Variants in ZFHX3 observed in about 807,000 individuals in gnomAD.
The protein encoded by ZFHX3 is zinc finger homeobox protein 3.
In ZFHX3, 42 loss-of-function variants were observed where a neutral mutation model predicts 279.1. That is an observed-to-expected ratio of 0.15 (90% CI 0.12 to 0.19). The LOEUF (loss-of-function observed/expected upper bound fraction) is 0.19, where lower values mean the gene tolerates loss of function less well. ZFHX3 is among the 10% of genes least tolerant of loss of function. The probability of loss-of-function intolerance (pLI) is 1.00; values close to 1 mark genes in which losing one functional copy is unlikely to be tolerated. For missense variants in ZFHX3, 4,981 were observed against 4,754.0 expected (o/e 1.05, Z -1.40); for synonymous variants, 2,293 against 1,957.8 (o/e 1.17, Z -4.52).
rs2035323387 is a variant in ZFHX3 at position 72,785,439 on chromosome 16, G to T, written c.*1725C>A. On this transcript the variant is annotated 3_prime_UTR_variant, in exon 10 of 10. Coordinates refer to ENST00000268489, the MANE Select transcript of ZFHX3 (RefSeq NM_006885.4). ...AATGTGTCTTTTGGTATATGGAATT[G>T]TCATTAACATTTGCCTCTCTGCTTG... 1 of 152,626 alleles carries T rather than the reference G, an allele frequency of 6.6e-6. No individual in the cohort carries two copies. The highest frequency in any genetic ancestry group is 1.5e-5 in the Non-Finnish European group (1 of 68,030). 9.5% of individuals were successfully genotyped at this position (152,626 alleles called of 1,614,324 possible). A position where few individuals can be genotyped will look rare whatever the true frequency, so the allele number is the denominator to read the frequency against.
At chr16:73,455,561 T>A (rs1392563088) in intron 3 of ZFHX3, among the ~76,000 whole-genome samples, 1 of 152,162 alleles carries the variant, frequency 6.6e-6, no homozygotes, top group Non-Finnish European at 1.5e-5. Flanking sequence ...TTCAATGAAG[T>A]CATTTCATTC....
chr16:73,640,695 A>C (rs1233222230), intron 2 of ZFHX3, among the ~76,000 whole-genome samples: 1 of 148,880 alleles, frequency 6.7e-6, no homozygotes, highest in African/African-American at 2.5e-5. Context: ...AAATCGGAGA[A>C]TATATCCAGG....
chr16:73,323,567 A>T (rs993929861), intron 3 of ZFHX3, among the ~76,000 whole-genome samples: 3 of 152,250 alleles, frequency 2.0e-5, no homozygotes, highest in East Asian at 1.9e-4. Flanking sequence ...TTGGACCAAG[A>T]TATGAAAGAA....
At chr16:73,549,733 A>G (rs1032633802) in intron 2 of ZFHX3, among the ~76,000 whole-genome samples, 1 of 152,194 alleles carries the variant, frequency 6.6e-6, no homozygotes, top group East Asian at 1.9e-4. Context: ...AACACCTCCA[A>G]AGCTAATGTT....
intron 4 of ZFHX3, among the ~76,000 whole-genome samples, chr16:73,302,347 C>G (rs2015075902): frequency 6.6e-6 from 1 of 152,082 alleles, no homozygotes; most frequent in Non-Finnish European, 1.5e-5. Flanking sequence ...AGCAACCTTA[C>G]AGAAACTTCT....
intron 3 of ZFHX3, among the ~76,000 whole-genome samples, chr16:73,336,109 A>T (rs1006318371): frequency 2.0e-5 from 3 of 152,198 alleles, no homozygotes; most frequent in African/African-American, 7.2e-5. Context: ...ACCTGTGTGT[A>T]TCTGGGGCGG....
At chr16:73,754,788 G>GT (rs941388657) in intron 1 of ZFHX3, among the ~76,000 whole-genome samples, 1 of 152,104 alleles carries the variant, frequency 6.6e-6, no homozygotes, top group Non-Finnish European at 1.5e-5. Flanking sequence ...ATGACAGAGG[G>GT]TTTTTTAAAA....
At chr16:73,080,531 G>A (rs1965930819) in intron 8 of ZFHX3, among the ~76,000 whole-genome samples, 1 of 152,116 alleles carries the variant, frequency 6.6e-6, no homozygotes, top group Non-Finnish European at 1.5e-5. Flanking sequence ...ATCTGGGGTA[G>A]CACCTGGGAA....
At chr16:73,005,697 G>C (rs1963677798) in intron 1 of ZFHX3, 1 of 152,278 alleles carries the variant, frequency 6.6e-6, no homozygotes, top group Admixed American at 6.5e-5. Flanking sequence ...GGCTGAGGCA[G>C]AAGAATGGCG....
chr16:73,633,033 C>T (rs776214868), intron 2 of ZFHX3, among the ~76,000 whole-genome samples: 2 of 152,094 alleles, frequency 1.3e-5, no homozygotes, highest in Admixed American at 6.5e-5. Flanking sequence ...GAGCTGGGAT[C>T]GCACCACTGC....
intron 4 of ZFHX3, among the ~76,000 whole-genome samples, chr16:73,315,188 G>T (rs1234050208): frequency 2.6e-5 from 4 of 151,168 alleles, no homozygotes; most frequent in Non-Finnish European, 5.9e-5. Context: ...CTCCAGCCTG[G>T]GTGACAAGAG....
At chr16:73,489,689 T>G (rs8052290) in intron 2 of ZFHX3, among the ~76,000 whole-genome samples, 42,645 of 152,124 alleles carry the variant, frequency 0.28, 7,186 homozygotes, top group African/African-American at 0.48. Flanking sequence ...AAATAATCTC[T>G]CCTTACTTTT....
At chr16:73,668,586 G>A (rs914228945) in intron 2 of ZFHX3, among the ~76,000 whole-genome samples, 1 of 151,466 alleles carries the variant, frequency 6.6e-6, no homozygotes, top group Non-Finnish European at 1.5e-5. Context: ...TTAGTTTGCT[G>A]AGAATGATGG....
At chr16:73,373,517 G>A (rs540563071) in intron 3 of ZFHX3, among the ~76,000 whole-genome samples, 38 of 152,276 alleles carry the variant, frequency 2.5e-4, no homozygotes, top group South Asian at 6.2e-4. Flanking sequence ...GAAACTCCCC[G>A]GGGATCCTGT....
intron 2 of ZFHX3, among the ~76,000 whole-genome samples, chr16:73,550,538 C>T (rs1251946087): frequency 6.6e-6 from 1 of 152,126 alleles, no homozygotes; most frequent in African/African-American, 2.4e-5. Context: ...AATGTTCCAG[C>T]GTCAAAGGGA....
chr16:72,787,262 A>T lies in ZFHX3; in HGVS notation c.11014T>A (p.Ser3672Thr). 6.2e-7 allele frequency: 1 copy of T among 1,613,920 alleles called. No individual in the cohort carries two copies. Among genetic ancestry groups the T allele is most frequent in the South Asian group, 1.1e-5 (1 of 91,060 alleles). The change falls in exon 10 of 10, where the codon TCC (serine) becomes ACC (threonine). Residue 3672 changes from serine to threonine, a missense_variant. Around this residue, in one of 7 missense-constraint regions of ZFHX3, gnomAD observed 1,034 missense variants for 786.0 expected, o/e 1.32. Transcript: ENST00000268489. ...TCCACCGGGCTCGCCGGTCCGTCGG[A>T]CTTTTGGCTGAGATCCGTGTCAGAC... Reference protein sequence around the residue: ...EESDTDLSQKSDGPASPVEGP... With the variant: ...EESDTDLSQKTDGPASPVEGP...
intron 1 of ZFHX3, among the ~76,000 whole-genome samples, chr16:73,871,778 G>T (rs915589755): frequency 1.3e-5 from 2 of 152,124 alleles, no homozygotes; most frequent in Non-Finnish European, 2.9e-5. Flanking sequence ...GGTGGTAGTT[G>T]TTTCATAGTG....
intron 1 of ZFHX3, among the ~76,000 whole-genome samples, chr16:73,865,526 T>G (rs1488716618): frequency 6.6e-6 from 1 of 152,214 alleles, no homozygotes; most frequent in East Asian, 1.9e-4. Flanking sequence ...ATATTCTAGA[T>G]AGTTTCTTGG....
intron 2 of ZFHX3, among the ~76,000 whole-genome samples, chr16:73,560,149 C>G (rs568984595): frequency 6.6e-6 from 1 of 152,250 alleles, no homozygotes; most frequent in South Asian, 2.1e-4. Context: ...CTGGTTTTTG[C>G]ACCAAATGTT....
Sources: allele counts gnomAD v4.1 joint callset (sites outside exome capture counted in the v4.1 genomes callset), GRCh38; gene constraint gnomAD v4.1.1; regional missense constraint gnomAD v4.1.1; transcripts MANE v1.5; gene names NCBI Gene and HGNC (gene_info 2026-07-23, HGNC 2026-07-21).